The following PDE4B variants were observed in gnomAD, a reference collection of about 807,000 sequenced individuals.
The protein encoded by PDE4B is phosphodiesterase 4B, also known as 3',5'-cyclic-AMP phosphodiesterase 4B.
PDE4B carries 20 observed loss-of-function variants against 82.2 expected under a neutral mutation model. The ratio of observed to expected loss-of-function variants is 0.24; its 90% CI spans 0.17 to 0.35. The LOEUF (loss-of-function observed/expected upper bound fraction) is 0.35. Ranked by LOEUF, PDE4B falls within the 10% of genes least tolerant of loss-of-function variation. The probability of loss-of-function intolerance (pLI) is 1.00; values close to 1 mark genes in which losing one functional copy is unlikely to be tolerated. For missense variants in PDE4B, 655 were observed against 907.2 expected (o/e 0.72, Z 3.57); for synonymous variants, 320 against 318.9 (o/e 1.00, Z -0.04).
chr1:65,950,346 G>A (rs1382589144), intron 3 of PDE4B, among the ~76,000 whole-genome samples: 1 of 152,026 alleles, frequency 6.6e-6, no homozygotes, highest in South Asian at 2.1e-4. Flanking sequence ...ACCAGCAATA[G>A]GGTTCTCATT....
rs1299683576 is a variant in PDE4B, at chr1:66,266,061, C to G, written c.608C>G (p.Pro203Arg). Residue 203 changes from proline (P) to arginine (R), a missense_variant, in exon 7 of 17, where the codon CCT becomes CGT. Transcript: ENST00000341517. ...AGGAGGTCCCCAGCTGCTAGTCAGC[C>G]TCCTGTCTCCAGAGTCAACCCACAA... is the stretch of plus-strand genomic sequence containing the variant. ...SNKRSPAASQ[P>R]PVSRVNPQEE... The G allele has an allele frequency of 6.2e-7, 1 of 1,613,198 alleles. No individual in the cohort carries two copies. The highest frequency in any genetic ancestry group is 8.5e-7 in the Non-Finnish European group (1 of 1,179,302).
intron 3 of PDE4B, among the ~76,000 whole-genome samples, chr1:66,148,292 A>AT (rs1557594261): frequency 6.6e-6 from 1 of 151,692 alleles, no homozygotes. Flanking sequence ...AATAATAATA[A>AT]AATAAATAAA....
At chr1:66,095,996 C>A (rs1458293592) in intron 3 of PDE4B, among the ~76,000 whole-genome samples, 1 of 151,750 alleles carries the variant, frequency 6.6e-6, no homozygotes, top group Non-Finnish European at 1.5e-5. Context: ...TATCCATTAT[C>A]CTCCTAACTT....
intron 3 of PDE4B, among the ~76,000 whole-genome samples, chr1:65,969,856 A>G (rs191617017): frequency 6.6e-6 from 1 of 152,098 alleles, no homozygotes; most frequent in Non-Finnish European, 1.5e-5. Context: ...CTCTTCCAGT[A>G]TTATTTTGAG....
chr1:65,838,021 C>A (rs553551926), intron 1 of PDE4B, among the ~76,000 whole-genome samples: 1 of 152,226 alleles, frequency 6.6e-6, no homozygotes, highest in South Asian at 2.1e-4. Context: ...GTATTTTCTA[C>A]CACTTTGGAT....
At chr1:65,905,508 G>A (rs947543792) in intron 1 of PDE4B, among the ~76,000 whole-genome samples, 3 of 152,088 alleles carry the variant, frequency 2.0e-5, no homozygotes, top group African/African-American at 7.2e-5. Context: ...GATCTGTAGG[G>A]ACTTGTATGA....
At chr1:66,339,850 GT>G (rs10579358) in intron 8 of PDE4B, among the ~76,000 whole-genome samples, 12,671 of 142,786 alleles carry the variant, frequency 0.089, 650 homozygotes, top group South Asian at 0.24. Flanking sequence ...TTTTTTTGTT[GT>G]TTTTTTTTTT....
intron 1 of PDE4B, 94 bp from the exon 2 acceptor site, chr1:65,913,151 G>A: frequency 3.5e-6 from 2 of 574,352 alleles, no homozygotes; most frequent in Non-Finnish European, 6.2e-6. Context: ...CATGTACATT[G>A]TACATATTTC....
chr1:66,157,420 A>G (rs556546163), intron 3 of PDE4B, among the ~76,000 whole-genome samples: 1 of 152,296 alleles, frequency 6.6e-6, no homozygotes, highest in African/African-American at 2.4e-5. Context: ...CATTCTGATG[A>G]AAACCCAGTT....
intron 3 of PDE4B, among the ~76,000 whole-genome samples, chr1:66,105,946 A>C (rs1645342713): frequency 6.6e-6 from 1 of 151,988 alleles, no homozygotes; most frequent in Admixed American, 6.6e-5. Context: ...TCTCCTGCCT[A>C]ATTGCCCTGG....
At chr1:66,019,801 G>A (rs2100763163) in intron 3 of PDE4B, among the ~76,000 whole-genome samples, 1 of 152,280 alleles carries the variant, frequency 6.6e-6, no homozygotes, top group East Asian at 1.9e-4. Context: ...ACTTTATAGT[G>A]CTAACCCAAA....
intron 3 of PDE4B, among the ~76,000 whole-genome samples, chr1:66,204,858 C>T (rs1649413178): frequency 6.6e-6 from 1 of 152,214 alleles, no homozygotes; most frequent in Non-Finnish European, 1.5e-5. Context: ...CACTCTTCTG[C>T]ACCCACTGTC....
chr1:66,115,405 C>T (rs969674583), intron 3 of PDE4B, among the ~76,000 whole-genome samples: 1 of 151,496 alleles, frequency 6.6e-6, no homozygotes, highest in Non-Finnish European at 1.5e-5. Context: ...TAGAGAAATG[C>T]ACACTAAATA....
chr1:66,157,599 C>T (rs1281533997), intron 3 of PDE4B, among the ~76,000 whole-genome samples: 3 of 152,208 alleles, frequency 2.0e-5, no homozygotes, highest in Non-Finnish European at 4.4e-5. Context: ...GGTAATCTCT[C>T]TTCCTCATCC....
intron 1 of PDE4B, among the ~76,000 whole-genome samples, chr1:65,820,782 G>C (rs552754741): frequency 6.6e-6 from 1 of 152,086 alleles, no homozygotes; most frequent in Admixed American, 6.6e-5. Context: ...GACAATCAAT[G>C]GTAGCTCCAA....
rs1460771229 is a variant in PDE4B at position 65,836,333 on chromosome 1, A to G, written c.-71+43085A>G. On this transcript the variant is annotated intron_variant, in intron 1 of 16. Coordinates refer to ENST00000341517, the MANE Select transcript of PDE4B (RefSeq NM_002600.4). Reference sequence around the variant, plus strand: ...CCATGTCCTATACATGGTCATCTCTACTCTGTAAGATCATTTATCTGGTCT... The same window carrying G: ...CCATGTCCTATACATGGTCATCTCTGCTCTGTAAGATCATTTATCTGGTCT... 2.0e-5 allele frequency among the ~76,000 whole-genome samples: 3 copies of G among 151,530 alleles called. No homozygotes were observed. In the East Asian group the frequency reaches 5.8e-4, roughly 29 times the overall value.
At chr1:65,922,947 T>C (rs1056194177) in intron 3 of PDE4B, among the ~76,000 whole-genome samples, 1 of 152,186 alleles carries the variant, frequency 6.6e-6, no homozygotes, top group Non-Finnish European at 1.5e-5. Context: ...CTTACTGCCA[T>C]CTTTGTGAAG....
At chr1:65,818,685 C>CATAT (rs58193032) in intron 1 of PDE4B, among the ~76,000 whole-genome samples, 68,702 of 143,514 alleles carry the variant, frequency 0.48, 17,088 homozygotes, top group Non-Finnish European at 0.56. Flanking sequence ...CACACACACA[C>CATAT]ATATATATAT....
At chr1:65,975,435 A>G (rs1442051323) in intron 3 of PDE4B, among the ~76,000 whole-genome samples, 1 of 152,226 alleles carries the variant, frequency 6.6e-6, no homozygotes, top group Non-Finnish European at 1.5e-5. Flanking sequence ...AAGTTCAGAA[A>G]ATTTGCAGCC....
Sources: allele counts gnomAD v4.1 joint callset (sites outside exome capture counted in the v4.1 genomes callset), GRCh38; gene constraint gnomAD v4.1.1; transcripts MANE v1.5; gene names NCBI Gene and HGNC (gene_info 2026-07-23, HGNC 2026-07-21).